The following TGFBI variants were observed in gnomAD, a reference collection of about 807,000 sequenced individuals.
TGFBI encodes the protein transforming growth factor-beta-induced protein ig-h3.
In TGFBI, 50 loss-of-function variants were observed where a neutral mutation model predicts 73.7. That is an observed-to-expected ratio of 0.68 (90% confidence interval 0.54 to 0.86). TGFBI has a LOEUF of 0.86. Among genes scored for constraint, TGFBI ranks in the 40% least tolerant of loss-of-function variants. The pLI is 0.00. For missense variants in TGFBI, 839 were observed against 877.0 expected, an observed-to-expected ratio of 0.96 and a Z score of 0.55; for synonymous variants, 362 against 360.5, an observed-to-expected ratio of 1.00 and a Z score of -0.05.
At chr5:136,044,236 A>G in intron 3 of TGFBI, 114 bp downstream of exon 3, 2 of 893,464 alleles carry the variant, frequency 2.2e-6, no homozygotes, top group Non-Finnish European at 3.6e-6. Flanking sequence ...GCACAAGGAC[A>G]TGGCATTCTC....
At chr5:136,050,334 GAA>G (rs10706409) in intron 7 of TGFBI, among the ~76,000 whole-genome samples, 3,285 of 131,448 alleles carry the variant, frequency 0.025, 123 homozygotes, top group East Asian at 0.12. Context: ...TCCGTCTCAA[GAA>G]AAAAAAAAAA....
chr5:136,056,022 G>A (rs1751625252), intron 11 of TGFBI, among the ~76,000 whole-genome samples: 1 of 152,206 alleles, frequency 6.6e-6, no homozygotes, highest in African/African-American at 2.4e-5. Flanking sequence ...TTACTTCTAA[G>A]AGTGTAATCT....
intron 1 of TGFBI, among the ~76,000 whole-genome samples, chr5:136,032,068 C>T (rs756463): frequency 0.31 from 46,726 of 152,058 alleles, 7,521 homozygotes; most frequent in African/African-American, 0.4. Flanking sequence ...TAAATAGGAC[C>T]GGGGGCTGGA....
Position 136,053,101 on chromosome 5 carries a change from C to T in TGFBI, c.1108C>T (p.Leu370=), listed in dbSNP as rs11543191. 1 of 1,613,878 alleles carries T rather than the reference C, an allele frequency of 6.2e-7. No individual in the cohort carries two copies. Among genetic ancestry groups the T allele is most frequent in the South Asian group, 1.1e-5 (1 of 91,094 alleles). The change falls in exon 8 of 17, where the codon CTA becomes TTA. Residue 370 remains leucine (L), a synonymous_variant. Coordinates refer to ENST00000442011, the MANE Select transcript of TGFBI (RefSeq NM_000358.3). The part of the protein sequence containing the change: ...TNGVIHYIDE[L]LIPDSAKTLF... ...CGGGGTGATCCACTACATTGATGAG[C>T]TACTCATCCCAGACTCAGGTAGGCC...
At chr5:136,046,646 G>A in intron 4 of TGFBI, 151 bp downstream of exon 4, 2 of 1,246,486 alleles carry the variant, frequency 1.6e-6, no homozygotes, top group Non-Finnish European at 2.2e-6. Flanking sequence ...TGGAACTTGA[G>A]CTAAAATATG....
At chr5:136,036,260 G>A (rs1751218774) in intron 2 of TGFBI, among the ~76,000 whole-genome samples, 1 of 152,196 alleles carries the variant, frequency 6.6e-6, no homozygotes, top group Non-Finnish European at 1.5e-5. Flanking sequence ...CTCAGGCAAA[G>A]CCCGATGCCC....
In TGFBI at chr5:136,063,721, G is replaced by T; in HGVS notation, c.*495G>T. ...CACGTGGCTTGGAGGCTTTTATGGG[G>T]CCCTGTCCAGGTAGAAAAGAAATGG... is the stretch of plus-strand genomic sequence containing the variant. On this transcript the variant is annotated 3_prime_UTR_variant, in exon 17 of 17. Transcript: ENST00000442011. The T allele has an allele frequency of 6.0e-6, 1 of 166,874 alleles. No individual in the cohort carries two copies. Among genetic ancestry groups the T allele is most frequent in the Non-Finnish European group, 1.3e-5 (1 of 76,982 alleles). 10.3% of individuals were successfully genotyped at this position (166,874 alleles called of 1,614,324 possible). A position where few individuals can be genotyped will look rare whatever the true frequency, so the allele number is the denominator to read the frequency against.
At chr5:136,055,585 A>G (rs1221687348) in intron 10 of TGFBI, 95 bp from the exon 11 acceptor site, 2 of 1,216,926 alleles carry the variant, frequency 1.6e-6, no homozygotes, top group Non-Finnish European at 2.2e-6. Context: ...CTTCATCTTC[A>G]TGGATAATGA....
In TGFBI at chr5:136,046,514, G is replaced by GC. The variant is rs1474822427; in HGVS notation, c.459+22dup. On this transcript the variant is annotated intron_variant, in intron 4 of 16. Transcript: ENST00000442011. ...GCCAGCTGTGAGATGACCTCCGTCT[G>GC]CCCGGGGGACTCTTATGGGGAACTG... 1.9e-6 allele frequency: 3 copies of GC among 1,587,872 alleles called. No homozygotes were observed. The highest frequency in any genetic ancestry group is 1.1e-5 in the South Asian group (1 of 88,268).
chr5:136,063,188 C>T lies in TGFBI; in HGVS notation c.2014C>T (p.Pro672Ser). The T allele has an allele frequency of 6.2e-7, 1 of 1,613,620 alleles. No individual in the cohort carries two copies. The highest frequency in any genetic ancestry group is 2.2e-5 in the East Asian group (1 of 44,878). The change falls in exon 17 of 17, where the codon CCT becomes TCT. Residue 672 changes from proline (P) to serine (S), a missense_variant and splice_region_variant. By Grantham distance (74) the Pro-to-Ser change is moderately conservative (BLOSUM62 -1). Coordinates refer to ENST00000442011, the MANE Select transcript of TGFBI (RefSeq NM_000358.3). ...RASQRSVRLA[P>S]VYQKLLERMK... ...CGTTACCAACTTCTCTTTTTCAGCC[C>T]CTGTCTATCAAAAGTTATTAGAGAG...
At position 136,049,493 on chromosome 5, in the gene TGFBI, A is replaced by G. The variant is rs1218263505; in HGVS notation, c.826A>G (p.Thr276Ala). 7.4e-6 allele frequency: 12 copies of G among 1,613,894 alleles called. No individual in the cohort carries two copies. Among genetic ancestry groups the G allele is most frequent in the African/African-American group, 2.7e-5 (2 of 74,924 alleles). The change falls in exon 7 of 17, where the codon ACG (threonine) becomes GCG (alanine). Residue 276 changes from threonine (T) to alanine (A), a missense_variant. By Grantham distance (58) the Thr-to-Ala change is moderately conservative (BLOSUM62 0). Coordinates refer to ENST00000442011, the MANE Select transcript of TGFBI (RefSeq NM_000358.3). Reference sequence around the variant, plus strand: ...GATGCTTGAAGGTAACGGCCAGTACACGCTTTTGGCCCCGACCAATGAGGC... The same window carrying G: ...GATGCTTGAAGGTAACGGCCAGTACGCGCTTTTGGCCCCGACCAATGAGGC... The part of the protein sequence containing the change: ...NTMLEGNGQY[T>A]LLAPTNEAFE...
intron 13 of TGFBI, among the ~76,000 whole-genome samples, chr5:136,059,573 C>T (rs2126917025): frequency 6.6e-6 from 1 of 152,314 alleles, no homozygotes; most frequent in African/African-American, 2.4e-5. Context: ...CAGGGCTTCA[C>T]TGAGTTGTAC....
chr5:136,056,067 T>C (rs45577035), intron 11 of TGFBI, among the ~76,000 whole-genome samples: 1 of 152,160 alleles, frequency 6.6e-6, no homozygotes, highest in African/African-American at 2.4e-5. Context: ...GGGGACTACA[T>C]TTTTATGACT....
In TGFBI at chr5:136,029,130, C is replaced by G; in HGVS notation, c.75C>G (p.Pro25=). Reference sequence around the variant, plus strand: ...GCCCCGCCGCGACCCTGGCGGGTCCCGCCAAGTCGCCCTACCAGCTGGTGC... The same window carrying G: ...GCCCCGCCGCGACCCTGGCGGGTCCGGCCAAGTCGCCCTACCAGCTGGTGC... ...ALGPAATLAG[P]AKSPYQLVLQ... The change falls in exon 1 of 17, where the codon CCC becomes CCG. Residue 25 remains proline (P), a synonymous_variant. Transcript: ENST00000442011. The G allele has an allele frequency of 3.3e-6, 5 of 1,525,532 alleles. No homozygotes were observed. The highest frequency in any genetic ancestry group is 4.4e-6 in the Non-Finnish European group (5 of 1,143,260). 94.5% of individuals were successfully genotyped at this position (1,525,532 alleles called of 1,614,324 possible).
chr5:136,038,104 C>G (rs1187868693), intron 2 of TGFBI, among the ~76,000 whole-genome samples: 4 of 152,172 alleles, frequency 2.6e-5, no homozygotes, highest in Non-Finnish European at 5.9e-5. Flanking sequence ...CACCAAACAG[C>G]GGAGATCGAC....
intron 9 of TGFBI, 90 bp downstream of exon 9, chr5:136,054,170 C>A (rs1345185170): frequency 1.3e-6 from 2 of 1,502,266 alleles, no homozygotes; most frequent in Non-Finnish European, 9.0e-7. Context: ...ATTTACAGCA[C>A]CCCATGGGAC....
intron 2 of TGFBI, 103 bp downstream of exon 2, chr5:136,033,964 C>A: frequency 1.1e-6 from 1 of 906,748 alleles, no homozygotes; most frequent in East Asian, 2.6e-5. Context: ...CCTAAAAAGC[C>A]ATGAAGATGC....
intron 11 of TGFBI, 129 bp from the exon 12 acceptor site, chr5:136,056,536 T>C: frequency 9.8e-6 from 12 of 1,227,338 alleles, no homozygotes; most frequent in Non-Finnish European, 1.4e-5. Flanking sequence ...CCAAGGTGTG[T>C]GCATTCCAGT....
chr5:136,040,599 G>A (rs1402325418), intron 2 of TGFBI, among the ~76,000 whole-genome samples: 1 of 152,204 alleles, frequency 6.6e-6, no homozygotes, highest in African/African-American at 2.4e-5. Context: ...GATCCCTGGT[G>A]CCAAAAAGGT....
Sources: allele counts gnomAD v4.1 joint callset (sites outside exome capture counted in the v4.1 genomes callset), GRCh38; gene constraint gnomAD v4.1.1; transcripts MANE v1.5; gene names NCBI Gene and HGNC (gene_info 2026-07-23, HGNC 2026-07-21).